The following ANKRD13A variants were observed in gnomAD, a reference collection of about 807,000 sequenced individuals.
ANKRD13A encodes ankyrin repeat domain-containing protein 13A.
A neutral mutation model predicts 81.3 loss-of-function variants in ANKRD13A; 48 were observed. That is an observed-to-expected ratio of 0.59 (90% CI 0.47 to 0.75). The LOEUF is 0.75. ANKRD13A is among the 30% of genes least tolerant of loss of function. The probability of loss-of-function intolerance (pLI) is 0.00; values close to 1 mark genes in which losing one functional copy is unlikely to be tolerated. For missense variants in ANKRD13A, 612 were observed against 734.0 expected, an observed-to-expected ratio of 0.83 and a Z score of 1.92; for synonymous variants, 230 against 270.1, an observed-to-expected ratio of 0.85 and a Z score of 1.45.
rs75116289 is a variant in ANKRD13A, at chr12:110,012,276, G to C, written c.229+139G>C. The C allele has an allele frequency of 1.0e-4, 101 of 978,616 alleles. No individual in the cohort carries two copies. In the East Asian group the frequency reaches 2.6e-3, roughly 25 times the overall value. The allele number at this position is 978,616 out of a possible 1,614,324, so 60.6% of individuals were successfully genotyped here. On this transcript the variant is annotated intron_variant, in intron 2 of 14. Coordinates refer to ENST00000261739, the MANE Select transcript of ANKRD13A (RefSeq NM_033121.2). The stretch of plus-strand genomic sequence containing the variant: ...GCTACTCAGGAGGCTGAGGGGGTAG[G>C]ATCACCTGAGCCCGGGGAGGTTGAC...
rs370762307 is a variant in ANKRD13A at position 110,018,231 on chromosome 12, A to T, written c.401-114A>T. On this transcript the variant is annotated intron_variant, in intron 4 of 14. Transcript: ENST00000261739. The surrounding 1 kb of genome is among the most constrained non-coding windows in gnomAD (Gnocchi z 4.4). ...TGAAAGCCAAGAAGTCCGTTGTTTG[A>T]TGGTCACCATCTTGCCACTCCCCTC... The T allele has an allele frequency of 1.8e-6, 2 of 1,112,404 alleles. No homozygotes were observed. The highest frequency in any genetic ancestry group is 3.2e-5 in the African/African-American group (2 of 62,852). 68.9% of individuals were successfully genotyped at this position (1,112,404 alleles called of 1,614,324 possible).
In ANKRD13A at chr12:110,018,103, G is replaced by A. The variant is rs1890883765; in HGVS notation, c.401-242G>A. Among the ~76,000 whole-genome samples, 3 of 152,142 alleles carry A rather than the reference G, an allele frequency of 2.0e-5. No homozygotes were observed. The highest frequency in any genetic ancestry group is 4.8e-5 in the African/African-American group (2 of 41,420). On this transcript the variant is annotated intron_variant, in intron 4 of 14. Transcript: ENST00000261739. This position sits in a 1 kb window ranked among gnomAD's most constrained non-coding sequence, Gnocchi z 4.4. The stretch of plus-strand genomic sequence containing the variant: ...CCACTATAAATTGGGGCTCATTTCA[G>A]GATCAAGAATACTCTTGGGAAATTT...
chr12:110,019,415 G>T, intron 6 of ANKRD13A, 87 bp downstream of exon 6: 1 of 1,291,412 alleles, frequency 7.7e-7, no homozygotes, highest in South Asian at 1.7e-5. Flanking sequence ...AATTATGGAT[G>T]GATTGGGCTT....
intron 11 of ANKRD13A, among the ~76,000 whole-genome samples, chr12:110,030,425 C>T (rs1042920630): frequency 6.6e-6 from 1 of 152,076 alleles, no homozygotes; most frequent in Non-Finnish European, 1.5e-5. Context: ...CCTTGGCCTC[C>T]CAAAGTGCTG....
At position 110,018,627 on chromosome 12, in the gene ANKRD13A, T is replaced by A; in HGVS notation, c.544+139T>A. The A allele has an allele frequency of 9.8e-7, 1 of 1,015,450 alleles. No individual in the cohort carries two copies. The highest frequency in any genetic ancestry group is 1.4e-6 in the Non-Finnish European group (1 of 707,330). The allele number at this position is 1,015,450 out of a possible 1,614,324, so 62.9% of individuals were successfully genotyped here. On this transcript the variant is annotated intron_variant, in intron 5 of 14. Transcript: ENST00000261739. This position sits in a 1 kb window ranked among gnomAD's most constrained non-coding sequence, Gnocchi z 4.4. The stretch of plus-strand genomic sequence containing the variant: ...TGTTTTTTTGGTTATTCTTATTAAT[T>A]ATTCAGCTCTCCATCCCTGTCTTCG...
At chr12:110,034,852 T>C (rs1891930683) in intron 13 of ANKRD13A, among the ~76,000 whole-genome samples, 1 of 152,202 alleles carries the variant, frequency 6.6e-6, no homozygotes, top group South Asian at 2.1e-4. Flanking sequence ...GCAGAGTACC[T>C]TCTTTGTGCC....
In ANKRD13A at chr12:109,999,831, A is replaced by C; in HGVS notation, c.96+47A>C. The C allele has an allele frequency of 2.7e-6, 4 of 1,468,788 alleles. No homozygotes were observed. The South Asian group carries it at 5.1e-5, about 19-fold the overall frequency. 91.0% of individuals were successfully genotyped at this position (1,468,788 alleles called of 1,614,324 possible). ...CGTCTCCCGGTGGGGACTTCGGGGA[A>C]TCGGGGGTCGTTTCGCCTCCCTGAG... On this transcript the variant is annotated intron_variant, in intron 1 of 14. Transcript: ENST00000261739. This position sits in a 1 kb window ranked among gnomAD's most constrained non-coding sequence, Gnocchi z 4.3.
At chr12:110,009,077 CT>C (rs1359247592) in intron 1 of ANKRD13A, among the ~76,000 whole-genome samples, 1 of 152,062 alleles carries the variant, frequency 6.6e-6, no homozygotes, top group Non-Finnish European at 1.5e-5. Context: ...TCATAGTCTT[CT>C]TTTATTTTAT....
chr12:110,021,010 A>G (rs1891048582), intron 6 of ANKRD13A: 1 of 383,586 alleles, frequency 2.6e-6, no homozygotes, highest in Admixed American at 2.9e-5. Flanking sequence ...AGAGGGTGAC[A>G]ATTCCTGGCT....
At position 110,012,006 on chromosome 12, in the gene ANKRD13A, A is replaced by G; in HGVS notation, c.98A>G (p.Asn33Ser). The change falls in exon 2 of 15, where the codon AAT becomes AGT. Residue 33 changes from asparagine to serine, a missense_variant and splice_region_variant. By Grantham distance (46) the Asn-to-Ser change is conservative. Transcript: ENST00000261739. The part of the protein sequence containing the change: ...RQLEKELQGQ[N>S]VEAVDPRGRT... Reference sequence around the variant, plus strand: ...TAAATGCCAGTGTTTCCTTCACAGAATGTGGAGGCTGTGGACCCACGAGGT... The same window carrying G: ...TAAATGCCAGTGTTTCCTTCACAGAGTGTGGAGGCTGTGGACCCACGAGGT... 1 of 1,600,178 alleles carries G rather than the reference A, an allele frequency of 6.2e-7. No homozygotes were observed. Among genetic ancestry groups the G allele is most frequent in the Non-Finnish European group, 8.6e-7 (1 of 1,168,454 alleles).
chr12:109,999,538 C>A lies in ANKRD13A; in HGVS notation c.-151C>A. ...CCGGCGACCCCGGACCTCCCGCGCG[C>A]CCCGCACCCGACCGGCTCAGCCGGC... On this transcript the variant is annotated 5_prime_UTR_variant, in exon 1 of 15. Transcript: ENST00000261739. This position sits in a 1 kb window ranked among gnomAD's most constrained non-coding sequence, Gnocchi z 4.3. 2.1e-6 allele frequency: 1 copy of A among 468,600 alleles called. No individual in the cohort carries two copies. The highest frequency in any genetic ancestry group is 3.3e-6 in the Non-Finnish European group (1 of 300,300). The allele number at this position is 468,600 out of a possible 1,614,324, so 29.0% of individuals were successfully genotyped here. A position where few individuals can be genotyped will look rare whatever the true frequency, so the allele number is the denominator to read the frequency against.
At position 110,033,862 on chromosome 12, in the gene ANKRD13A, C is replaced by A; in HGVS notation, c.1414C>A (p.Gln472Lys). ...VFEIPESYYV[Q>K]DNGRNVHLQD... ...TGAAATTCCCGAATCTTACTATGTT[C>A]AAGACAATGGCAGAAATGTGCATTT... is the stretch of plus-strand genomic sequence containing the variant. The change falls in exon 13 of 15, where the codon CAA (glutamine) becomes AAA (lysine). Residue 472 changes from glutamine (Q) to lysine (K), a missense_variant. Coordinates refer to ENST00000261739, the MANE Select transcript of ANKRD13A (RefSeq NM_033121.2). 1 of 1,613,174 alleles carries A rather than the reference C, an allele frequency of 6.2e-7. No individual in the cohort carries two copies. The highest frequency in any genetic ancestry group is 1.1e-5 in the South Asian group (1 of 90,872).
chr12:110,028,259 T>C (rs1891459514), intron 9 of ANKRD13A: 1 of 401,674 alleles, frequency 2.5e-6, no homozygotes, highest in Non-Finnish European at 4.4e-6. Context: ...CTTTCTTTTT[T>C]TCTTTGTTAT....
At position 110,039,595 on chromosome 12, in the gene ANKRD13A, G is replaced by A. The variant is rs1892249733; in HGVS notation, c.*2041G>A. 6.6e-6 allele frequency: 1 copy of A among 152,246 alleles called. No individual in the cohort carries two copies. The highest frequency in any genetic ancestry group is 2.4e-5 in the African/African-American group (1 of 41,452). 9.4% of individuals were successfully genotyped at this position (152,246 alleles called of 1,614,324 possible). On this transcript the variant is annotated 3_prime_UTR_variant, in exon 15 of 15. Coordinates refer to ENST00000261739, the MANE Select transcript of ANKRD13A (RefSeq NM_033121.2). ...CCAGCCTTCCTGCCCAGGTTAACAA[G>A]CCCCATGCTGCTTGTTTCAAATGGC... is the stretch of plus-strand genomic sequence containing the variant.
chr12:110,021,313 TA>T (rs1891064957), intron 6 of ANKRD13A: 1 of 264,262 alleles, frequency 3.8e-6, no homozygotes, highest in South Asian at 3.7e-5. Context: ...TTTGTTGGTA[TA>T]AAAAGTGTGT....
chr12:110,020,452 G>A (rs1891022210), intron 6 of ANKRD13A, among the ~76,000 whole-genome samples: 1 of 152,242 alleles, frequency 6.6e-6, no homozygotes, highest in Non-Finnish European at 1.5e-5. Flanking sequence ...TAGGACATCT[G>A]TTTGTAATAG....
At chr12:110,009,238 C>T (rs751254939) in intron 1 of ANKRD13A, among the ~76,000 whole-genome samples, 8 of 152,088 alleles carry the variant, frequency 5.3e-5, no homozygotes, top group Non-Finnish European at 7.4e-5. Flanking sequence ...TGTGCCACCA[C>T]GCGCGGCTAA....
chr12:110,038,781 C>T lies in ANKRD13A; in HGVS notation c.*1227C>T, dbSNP rs1200136048. The T allele has an allele frequency of 6.6e-6, 1 of 152,190 alleles. No individual in the cohort carries two copies. Among genetic ancestry groups the T allele is most frequent in the African/African-American group, 2.4e-5 (1 of 41,380 alleles). The allele number at this position is 152,190 out of a possible 1,614,324, so 9.4% of individuals were successfully genotyped here. On this transcript the variant is annotated 3_prime_UTR_variant, in exon 15 of 15. Transcript: ENST00000261739. ...AGTAGTTAACTCTCTTTTGTCAAAC[C>T]CTCTTGTATATAACCATCGCACAAC...
intron 6 of ANKRD13A, among the ~76,000 whole-genome samples, chr12:110,023,333 A>C (rs1456194222): frequency 6.6e-6 from 1 of 152,264 alleles, no homozygotes; most frequent in African/African-American, 2.4e-5. Flanking sequence ...TGAATAACTG[A>C]GATTTTGGGC....
Sources: allele counts gnomAD v4.1 joint callset (sites outside exome capture counted in the v4.1 genomes callset), GRCh38; gene constraint gnomAD v4.1.1; non-coding constraint Gnocchi (gnomAD v3.1); transcripts MANE v1.5; gene names NCBI Gene and HGNC (gene_info 2026-07-23, HGNC 2026-07-21).